Variants in TNFRSF21 observed in about 807,000 individuals in gnomAD.
TNFRSF21 encodes the protein TNF receptor superfamily member 21.
TNFRSF21 carries 19 observed loss-of-function variants against 45.6 expected under a neutral mutation model. The ratio of observed to expected loss-of-function variants is 0.42; its 90% CI spans 0.29 to 0.61. The LOEUF is 0.61. Ranked by LOEUF, TNFRSF21 falls within the 20% of genes least tolerant of loss-of-function variation. The pLI, the probability that TNFRSF21 is intolerant of heterozygous loss-of-function variation, is 0.23. For synonymous variants in TNFRSF21, 314 were observed against 335.5 expected (o/e 0.94, Z 0.70); for missense variants, 737 against 851.5 (o/e 0.87, Z 1.67).
intron 2 of TNFRSF21, among the ~76,000 whole-genome samples, 178 bp from the exon 3 acceptor site, chr6:47,284,610 G>A (rs1332590544): frequency 6.6e-6 from 1 of 152,142 alleles, no homozygotes; most frequent in Non-Finnish European, 1.5e-5. Flanking sequence ...ACCTTCATGT[G>A]GAAGGCAAAA....
At chr6:47,289,913 G>C (rs554818358) in intron 1 of TNFRSF21, among the ~76,000 whole-genome samples, 1 of 152,292 alleles carries the variant, frequency 6.6e-6, no homozygotes, top group African/African-American at 2.4e-5. Flanking sequence ...AGAATTGCTT[G>C]AGCCTGGGAG....
intron 3 of TNFRSF21, among the ~76,000 whole-genome samples, chr6:47,272,621 C>A (rs1218404949): frequency 6.6e-6 from 1 of 152,016 alleles, no homozygotes; most frequent in African/African-American, 2.4e-5. Context: ...GAAGCAAGAG[C>A]AAACACATTC....
At chr6:47,294,761 C>T (rs1199893219) in intron 1 of TNFRSF21, among the ~76,000 whole-genome samples, 1 of 151,980 alleles carries the variant, frequency 6.6e-6, no homozygotes, top group East Asian at 1.9e-4. Context: ...AAACTCCTGG[C>T]CTCAAGCATT....
At chr6:47,301,760 A>T (rs1762866780) in intron 1 of TNFRSF21, among the ~76,000 whole-genome samples, 1 of 152,212 alleles carries the variant, frequency 6.6e-6, no homozygotes, top group South Asian at 2.1e-4. Flanking sequence ...AGGCCTTACT[A>T]GAAGCCAAAC....
At position 47,232,733 on chromosome 6, in the gene TNFRSF21, G is replaced by C; in HGVS notation, c.*32C>G. 6.3e-7 allele frequency: 1 copy of C among 1,594,370 alleles called. No homozygotes were observed. The highest frequency in any genetic ancestry group is 8.6e-7 in the Non-Finnish European group (1 of 1,166,034). ...TAAAAAACCACCCTGCCACTAAATT[G>C]AGTAATTTCCAGAATGCAGTATCCC... On this transcript the variant is annotated 3_prime_UTR_variant, in exon 6 of 6. Transcript: ENST00000296861.
chr6:47,284,137 C>A lies in TNFRSF21; in HGVS notation c.1044G>T (p.Glu348Asp). 1 of 1,614,202 alleles carries A rather than the reference C, an allele frequency of 6.2e-7. No individual in the cohort carries two copies. Among genetic ancestry groups the A allele is most frequent in the Non-Finnish European group, 8.5e-7 (1 of 1,180,040 alleles). ...QNLHKHFDIN[E>D]HLPWMIVLFL... is the part of the protein sequence containing the mutation. ...AAAGCACAATCATCCAGGGCAAATG[C>A]TCATTGATGTCAAAATGCTTGTGTA... Residue 348 changes from glutamate to aspartate, a missense_variant, in exon 3 of 6, where the codon GAG becomes GAT. By Grantham distance (45) the Glu-to-Asp change is conservative. Transcript: ENST00000296861.
intron 3 of TNFRSF21, among the ~76,000 whole-genome samples, chr6:47,276,848 C>A (rs1267605385): frequency 6.6e-6 from 1 of 152,146 alleles, no homozygotes; most frequent in African/African-American, 2.4e-5. Context: ...AGAGGCTCTG[C>A]CCATTTGAGA....
At chr6:47,233,736 G>A (rs963915417) in intron 5 of TNFRSF21, among the ~76,000 whole-genome samples, 13 of 151,074 alleles carry the variant, frequency 8.6e-5, no homozygotes, top group African/African-American at 3.1e-4. Flanking sequence ...TTATAAATAT[G>A]TAAATATAAC....
At chr6:47,245,478 G>T (rs1764811915) in intron 4 of TNFRSF21, among the ~76,000 whole-genome samples, 1 of 151,354 alleles carries the variant, frequency 6.6e-6, no homozygotes, top group African/African-American at 2.4e-5. Flanking sequence ...GTGTGTGTGT[G>T]TTGGGCAGGG....
intron 4 of TNFRSF21, among the ~76,000 whole-genome samples, chr6:47,245,345 A>G (rs1764808071): frequency 6.6e-6 from 1 of 152,106 alleles, no homozygotes; most frequent in Non-Finnish European, 1.5e-5. Context: ...ACAGGGCTCA[A>G]TACATAATGG....
In TNFRSF21 at chr6:47,233,073, T is replaced by G. The variant is rs549592300; in HGVS notation, c.1739-79A>C. On this transcript the variant is annotated intron_variant, in intron 5 of 5. Coordinates refer to ENST00000296861, the MANE Select transcript of TNFRSF21 (RefSeq NM_014452.5). The stretch of plus-strand genomic sequence containing the variant: ...GCCTGGAGGAAGGAGAGCAGGGTCC[T>G]AGAGAGAGAGACATCTATGTCCCCC... 3.0e-4 allele frequency: 398 copies of G among 1,317,370 alleles called. 5 individuals are homozygous for G. In the South Asian group the frequency reaches 4.8e-3, roughly 16 times the overall value. 81.6% of individuals were successfully genotyped at this position (1,317,370 alleles called of 1,614,324 possible).
chr6:47,280,817 C>T (rs958289007), intron 3 of TNFRSF21, among the ~76,000 whole-genome samples: 9 of 152,162 alleles, frequency 5.9e-5, no homozygotes, highest in Admixed American at 5.9e-4. Context: ...ATTTTAAAAA[C>T]CAGACTGCAA....
rs1554149608 is a variant in TNFRSF21 at position 47,245,454 on chromosome 6, G to GTT, written c.1509+7801_1509+7802insAA. Among the ~76,000 whole-genome samples the GTT allele has an allele frequency of 4.4e-3, 530 of 121,176 alleles. 1 individual carries two copies. Among genetic ancestry groups the GTT allele is most frequent in the African/African-American group, 0.02 (476 of 24,276 alleles). 79.5% of individuals were successfully genotyped at this position (121,176 alleles called of 152,430 possible). ...TGTGTGTGTGTGTGTGTGTGTGTGTGTGTTTGTGTGTGTGTGTGTGTGTGT... is the reference window on the plus strand; with the variant it reads ...TGTGTGTGTGTGTGTGTGTGTGTGTGTTTGTTTGTGTGTGTGTGTGTGTGTGT... On this transcript the variant is annotated intron_variant, in intron 4 of 5. Transcript: ENST00000296861.
At chr6:47,237,229 T>C (rs1764674892) in intron 4 of TNFRSF21, among the ~76,000 whole-genome samples, 1 of 152,200 alleles carries the variant, frequency 6.6e-6, no homozygotes, top group Non-Finnish European at 1.5e-5. Flanking sequence ...TCTCTCACTT[T>C]GTGCAACCGT....
intron 4 of TNFRSF21, among the ~76,000 whole-genome samples, chr6:47,244,323 C>CAGA (rs1764794911): frequency 2.6e-5 from 2 of 76,052 alleles, no homozygotes; most frequent in Admixed American, 2.8e-4. Flanking sequence ...GACTCCGTCT[C>CAGA]AAAAAAAAAA....
At chr6:47,287,301 CTT>C (rs1762663654) in intron 1 of TNFRSF21, among the ~76,000 whole-genome samples, 1 of 78,956 alleles carries the variant, frequency 1.3e-5, no homozygotes, top group Non-Finnish European at 2.2e-5. Context: ...GAGTGAAACT[CTT>C]TCTCAAAAAA....
intron 4 of TNFRSF21, among the ~76,000 whole-genome samples, chr6:47,243,527 C>T (rs1308330527): frequency 6.6e-6 from 1 of 151,954 alleles, no homozygotes; most frequent in South Asian, 2.1e-4. Context: ...AATTGATTTT[C>T]GTGCCTTAGC....
intron 3 of TNFRSF21, among the ~76,000 whole-genome samples, chr6:47,261,100 C>CA (rs906808720): frequency 1.0e-3 from 158 of 151,996 alleles, no homozygotes; most frequent in Non-Finnish European, 1.6e-3. Context: ...AACACCCCCC[C>CA]AAACCTCCCT....
chr6:47,286,320 A>C lies in TNFRSF21; in HGVS notation c.372T>G (p.Ala124=), dbSNP rs762871435. Residue 124 remains alanine, a synonymous_variant, in exon 2 of 6, where the codon GCT becomes GCG. Transcript: ENST00000296861. ...AAGTGCATTCTCGGTCAGTCAAGGC[A>C]GCACAAGGTAATTTCTCAATCATTG... ...PWPMIEKLPC[A]ALTDRECTCP... is the part of the protein sequence containing the mutation. 3.4e-5 allele frequency: 55 copies of C among 1,614,138 alleles called. No homozygotes were observed. In the Admixed American group the frequency reaches 8.3e-4, roughly 24 times the overall value.
Sources: gnomAD v4.1 joint callset for allele counts (sites outside exome capture counted in the v4.1 genomes callset) on GRCh38, gnomAD v4.1.1 for gene constraint, MANE v1.5 for transcripts, NCBI Gene and HGNC (gene_info 2026-07-23, HGNC 2026-07-21) for gene names.